The following NGEF variants were observed in gnomAD, a reference collection of about 807,000 sequenced individuals.
The protein encoded by NGEF is ephexin-1.
A neutral mutation model predicts 80.9 loss-of-function variants in NGEF; 31 were observed. The ratio of observed to expected loss-of-function variants is 0.38; its 90% CI spans 0.29 to 0.52. NGEF has a LOEUF of 0.52. Among genes scored for constraint, NGEF ranks in the 20% least tolerant of loss-of-function variants. The pLI, the probability that NGEF is intolerant of heterozygous loss-of-function variation, is 0.84. For synonymous variants in NGEF, 371 were observed against 370.2 expected (o/e 1.00, Z -0.03); for missense variants, 709 against 926.2 (o/e 0.77, Z 3.04).
At chr2:232,957,523 A>G (rs1017042337) in intron 3 of NGEF, among the ~76,000 whole-genome samples, 16 of 152,194 alleles carry the variant, frequency 1.1e-4, no homozygotes, top group Non-Finnish European at 2.9e-5. Flanking sequence ...GAGTTTTGCC[A>G]TGTTAGCCAG....
intron 3 of NGEF, among the ~76,000 whole-genome samples, chr2:232,968,589 A>C (rs1341385313): frequency 1.3e-5 from 2 of 152,002 alleles, no homozygotes; most frequent in Admixed American, 1.3e-4. Flanking sequence ...ATATTTTAGT[A>C]GAGATGGGGT....
At chr2:233,002,315 T>C (rs916600567) in intron 1 of NGEF, among the ~76,000 whole-genome samples, 1 of 152,084 alleles carries the variant, frequency 6.6e-6, no homozygotes, top group African/African-American at 2.4e-5. Flanking sequence ...ATAAATGAAG[T>C]AAGAAATTTA....
intron 2 of NGEF, among the ~76,000 whole-genome samples, chr2:232,973,057 G>A (rs538512381): frequency 3.3e-5 from 5 of 152,012 alleles, no homozygotes; most frequent in East Asian, 1.9e-4. Flanking sequence ...GCACCCGGCC[G>A]TCCTTACCCA....
At chr2:232,956,560 A>G (rs1164839108) in intron 3 of NGEF, among the ~76,000 whole-genome samples, 1 of 152,112 alleles carries the variant, frequency 6.6e-6, no homozygotes, top group Admixed American at 6.6e-5. Flanking sequence ...TGAGGTCAGG[A>G]GTTCGAGACC....
chr2:232,885,476 C>T, intron 9 of NGEF, 107 bp from the exon 10 acceptor site: 1 of 853,826 alleles, frequency 1.2e-6, no homozygotes, highest in Non-Finnish European at 1.9e-6. Flanking sequence ...CGTGACCAGA[C>T]ACTGTGCCCA....
At chr2:232,931,068 A>C (rs946453071) in intron 3 of NGEF, among the ~76,000 whole-genome samples, 1 of 152,266 alleles carries the variant, frequency 6.6e-6, no homozygotes, top group Admixed American at 6.5e-5. Flanking sequence ...GCAGAGGATA[A>C]AAAATCCCAT....
At chr2:233,011,825 T>A (rs944425222) in intron 1 of NGEF, among the ~76,000 whole-genome samples, 7 of 152,180 alleles carry the variant, frequency 4.6e-5, no homozygotes, top group African/African-American at 1.7e-4. Flanking sequence ...TGTGGAATGT[T>A]ACTCACACTG....
At position 232,927,150 on chromosome 2, in the gene NGEF, G is replaced by C. The variant is rs775284441; in HGVS notation, c.420C>G (p.Pro140=). ...TGTCGGCCAGGGCCGGCCACTCCTC[G>C]GGCGTGGCCCCATTTCCCGGGGTGG... ...SSSTPGNGAT[P]EEWPALADSP... Residue 140 remains proline, a synonymous_variant, in exon 4 of 15, where the codon CCC becomes CCG. Transcript: ENST00000264051. 8.7e-6 allele frequency: 14 copies of C among 1,605,038 alleles called. No individual in the cohort carries two copies. The highest frequency in any genetic ancestry group is 1.1e-5 in the Non-Finnish European group (13 of 1,176,628).
In NGEF at chr2:232,891,546, T is replaced by G. The variant is rs540519041; in HGVS notation, c.1143-59A>C. The G allele has an allele frequency of 5.1e-5, 79 of 1,541,002 alleles. 1 individual carries two copies. The South Asian group carries it at 7.0e-4, about 14-fold the overall frequency. On this transcript the variant is annotated intron_variant, in intron 7 of 14. Coordinates refer to ENST00000264051, the MANE Select transcript of NGEF (RefSeq NM_019850.3). ...GCTGCAGGAGGCATGAACTGGAGAC[T>G]CCTCCTCCCCATCCACAGCCTCCCA...
chr2:232,888,400 G>A (rs1362494333), intron 8 of NGEF, among the ~76,000 whole-genome samples: 2 of 151,566 alleles, frequency 1.3e-5, no homozygotes, highest in Admixed American at 6.6e-5. Context: ...ACAAGCACAC[G>A]TGCACACATG....
chr2:232,989,965 T>A (rs976265826), intron 1 of NGEF, among the ~76,000 whole-genome samples: 1 of 152,172 alleles, frequency 6.6e-6, no homozygotes, highest in African/African-American at 2.4e-5. Context: ...AAGAAGAGAC[T>A]GTGTACATTT....
intron 5 of NGEF, among the ~76,000 whole-genome samples, chr2:232,899,886 TCA>T (rs1242181491): frequency 5.1e-5 from 7 of 138,524 alleles, no homozygotes; most frequent in East Asian, 2.2e-4. Flanking sequence ...ACACGTTCAC[TCA>T]CATTCACACA....
intron 6 of NGEF, among the ~76,000 whole-genome samples, chr2:232,893,358 C>A (rs1258273690): frequency 6.6e-6 from 1 of 152,190 alleles, no homozygotes; most frequent in African/African-American, 2.4e-5. Flanking sequence ...AGAAGGGTCC[C>A]CTGGGGGGTA....
chr2:232,933,856 T>C (rs998319141), intron 3 of NGEF, among the ~76,000 whole-genome samples: 11 of 152,240 alleles, frequency 7.2e-5, no homozygotes, highest in African/African-American at 2.7e-4. Flanking sequence ...GGCACTGTGA[T>C]GTTCTGTCAC....
intron 3 of NGEF, among the ~76,000 whole-genome samples, chr2:232,945,546 G>T (rs549709810): frequency 3.3e-4 from 50 of 152,296 alleles, no homozygotes; most frequent in Admixed American, 8.5e-4. Flanking sequence ...AGAGCTTGGG[G>T]TGAGGCATCT....
intron 14 of NGEF, among the ~76,000 whole-genome samples, chr2:232,880,071 T>A (rs866404626): frequency 6.6e-6 from 1 of 151,810 alleles, no homozygotes; most frequent in Non-Finnish European, 1.5e-5. Context: ...GCGTGGACTG[T>A]GTCATTCAAG....
At chr2:232,984,231 C>T (rs1418831435) in intron 1 of NGEF, among the ~76,000 whole-genome samples, 1 of 151,350 alleles carries the variant, frequency 6.6e-6, no homozygotes, top group African/African-American at 2.4e-5. Context: ...ACTACAGGCA[C>T]ATACCACCAT....
intron 3 of NGEF, among the ~76,000 whole-genome samples, chr2:232,943,799 A>T (rs1693492879): frequency 6.6e-6 from 1 of 151,352 alleles, no homozygotes; most frequent in African/African-American, 2.4e-5. Flanking sequence ...CCGGCCCGGA[A>T]TGCTCTACAT....
chr2:232,922,660 T>C (rs181488158), intron 4 of NGEF, among the ~76,000 whole-genome samples: 47 of 152,372 alleles, frequency 3.1e-4, no homozygotes, highest in East Asian at 1.3e-3. Context: ...GCACTGCGGT[T>C]ACAGAGGTTT....
Sources: gnomAD v4.1 joint callset for allele counts (sites outside exome capture counted in the v4.1 genomes callset) on GRCh38, gnomAD v4.1.1 for gene constraint, MANE v1.5 for transcripts, NCBI Gene and HGNC (gene_info 2026-07-23, HGNC 2026-07-21) for gene names.